ITGB1: variants seen among roughly 807,000 people sequenced by gnomAD.
ITGB1 encodes integrin subunit beta 1.
ITGB1 carries 24 observed loss-of-function variants against 86.5 expected under a neutral mutation model. The observed-to-expected ratio is 0.28, with a 90% confidence interval of 0.20 to 0.39. The LOEUF is 0.39. Ranked by LOEUF, ITGB1 falls within the 10% of genes least tolerant of loss-of-function variation. ITGB1 has a pLI of 1.00. For synonymous variants in ITGB1, 323 were observed against 316.8 expected (o/e 1.02, Z -0.21); for missense variants, 556 against 946.9 (o/e 0.59, Z 5.42).
intron 15 of ITGB1, among the ~76,000 whole-genome samples, chr10:32,903,144 G>A (rs537698994): frequency 6.6e-6 from 1 of 151,984 alleles, no homozygotes; most frequent in South Asian, 2.1e-4. Context: ...TTTTGGTGAG[G>A]AGTTTGAGAT....
At chr10:32,927,076 CAAATG>C (rs1270579142) in intron 5 of ITGB1, among the ~76,000 whole-genome samples, 1 of 152,130 alleles carries the variant, frequency 6.6e-6, no homozygotes, top group African/African-American at 2.4e-5. Context: ...ACATGCTGAA[CAAATG>C]AATAAACAAA....
chr10:32,935,545 G>A lies in ITGB1; in HGVS notation c.14C>T (p.Pro5Leu). The change falls in exon 2 of 16, where the codon CCA (proline) becomes CTA (leucine). Residue 5 changes from proline (P) to leucine (L), a missense_variant. Coordinates refer to ENST00000302278, the MANE Select transcript of ITGB1 (RefSeq NM_002211.4). MNLQ[P>L]IFWIGLISSV... The stretch of plus-strand genomic sequence containing the variant: ...ACTGATCAGTCCAATCCAGAAAATT[G>A]GTTGTAAATTCATCTGAAATGTAAA... 6.2e-7 allele frequency: 1 copy of A among 1,612,030 alleles called. No individual in the cohort carries two copies. Among genetic ancestry groups the A allele is most frequent in the South Asian group, 1.1e-5 (1 of 90,934 alleles).
intron 1 of ITGB1, among the ~76,000 whole-genome samples, chr10:32,956,138 C>A (rs1166241041): frequency 6.6e-6 from 1 of 152,172 alleles, no homozygotes; most frequent in East Asian, 1.9e-4. Context: ...TTTAACACTT[C>A]ACCATCTTCA....
At chr10:32,939,145 T>C (rs2095011734) in intron 1 of ITGB1, among the ~76,000 whole-genome samples, 1 of 152,272 alleles carries the variant, frequency 6.6e-6, no homozygotes, top group Non-Finnish European at 1.5e-5. Flanking sequence ...TCCCTGAGCA[T>C]GGGGCCTGGA....
chr10:32,942,523 T>G (rs1199597728), intron 1 of ITGB1, among the ~76,000 whole-genome samples: 1 of 152,206 alleles, frequency 6.6e-6, no homozygotes, highest in Non-Finnish European at 1.5e-5. Context: ...GTATCTTATT[T>G]ATAGCTATTG....
At chr10:32,909,979 G>T (rs762048994) in intron 14 of ITGB1, among the ~76,000 whole-genome samples, 64 of 152,146 alleles carry the variant, frequency 4.2e-4, no homozygotes, top group Middle Eastern at 3.4e-3. Context: ...ATCACTAAGC[G>T]TCTTATATAA....
intron 15 of ITGB1, among the ~76,000 whole-genome samples, chr10:32,904,701 T>A (rs908867254): frequency 3.3e-5 from 5 of 152,216 alleles, no homozygotes; most frequent in Non-Finnish European, 7.3e-5. Flanking sequence ...TTTATTTCAA[T>A]TGTTAATTTC....
intron 11 of ITGB1, 48 bp from the exon 12 acceptor site, chr10:32,912,172 A>T: frequency 1.3e-6 from 2 of 1,491,948 alleles, no homozygotes; most frequent in South Asian, 1.2e-5. Context: ...AAAATAATTT[A>T]AGAGGTTCCA....
chr10:32,906,165 CA>C (rs1382895968), intron 15 of ITGB1, among the ~76,000 whole-genome samples: 1 of 151,874 alleles, frequency 6.6e-6, no homozygotes, highest in African/African-American at 2.4e-5. Context: ...TTTTGAGAAC[CA>C]ATAATGATAT....
chr10:32,904,783 T>C (rs1042073397), intron 15 of ITGB1, among the ~76,000 whole-genome samples: 7 of 152,206 alleles, frequency 4.6e-5, no homozygotes, highest in African/African-American at 1.4e-4. Flanking sequence ...CAATAATGCA[T>C]AGAGAAATTT....
intron 14 of ITGB1, 33 bp from the exon 15 acceptor site, chr10:32,908,567 A>C (rs777030598): frequency 6.3e-7 from 1 of 1,595,358 alleles, no homozygotes; most frequent in African/African-American, 1.3e-5. Flanking sequence ...TGAGCACCAC[A>C]AAGAGCTGTG....
intron 1 of ITGB1, among the ~76,000 whole-genome samples, chr10:32,941,838 T>C (rs2095018890): frequency 6.6e-6 from 1 of 151,966 alleles, no homozygotes. Flanking sequence ...AGAAAGGAAT[T>C]TAGAATAATC....
intron 9 of ITGB1, among the ~76,000 whole-genome samples, chr10:32,921,012 C>A (rs2094947881): frequency 6.7e-6 from 1 of 149,072 alleles, no homozygotes; most frequent in African/African-American, 2.4e-5. Flanking sequence ...AAAACAGAAA[C>A]CCCCCAAAAA....
At chr10:32,928,298 C>A in intron 4 of ITGB1, 34 bp from the exon 5 acceptor site, 2 of 794,494 alleles carry the variant, frequency 2.5e-6, no homozygotes. Flanking sequence ...ATGAAACTTG[C>A]CTGTTGGCAA....
At chr10:32,952,546 TGGA>T (rs931914584) in intron 1 of ITGB1, among the ~76,000 whole-genome samples, 104 of 152,282 alleles carry the variant, frequency 6.8e-4, no homozygotes, top group African/African-American at 2.4e-3. Flanking sequence ...ATATTGTACA[TGGA>T]GAAGAATAAT....
At chr10:32,906,486 A>G in intron 15 of ITGB1, 1 of 223,228 alleles carries the variant, frequency 4.5e-6, no homozygotes. Flanking sequence ...GGTACTCGGG[A>G]GGCTGAGGCA....
intron 1 of ITGB1, among the ~76,000 whole-genome samples, chr10:32,947,669 C>A (rs898043829): frequency 6.6e-6 from 1 of 151,946 alleles, no homozygotes; most frequent in Non-Finnish European, 1.5e-5. Flanking sequence ...AAGAAACTAA[C>A]GATAAAAACA....
chr10:32,931,981 T>G (rs1189436020), intron 3 of ITGB1, among the ~76,000 whole-genome samples: 2 of 152,092 alleles, frequency 1.3e-5, no homozygotes, highest in African/African-American at 2.4e-5. Flanking sequence ...TCAATAAGCT[T>G]ATATTGGGAT....
At position 32,938,325 on chromosome 10, in the gene ITGB1, C is replaced by T. The variant is rs61443095; in HGVS notation, c.1-2767G>A. ...GAATGAAGCATGCAGGCAGTTTCCA[C>T]ACAAAGGGAATGGAACAAATATTTG... On this transcript the variant is annotated intron_variant, in intron 1 of 15. Coordinates refer to ENST00000302278, the MANE Select transcript of ITGB1 (RefSeq NM_002211.4). Among the ~76,000 whole-genome samples the T allele has an allele frequency of 2.2e-3, 328 of 152,220 alleles. 2 individuals are homozygous for T. Among genetic ancestry groups the T allele is most frequent in the African/African-American group, 7.6e-3 (314 of 41,546 alleles).
Sources: allele counts gnomAD v4.1 joint callset (sites outside exome capture counted in the v4.1 genomes callset), GRCh38; gene constraint gnomAD v4.1.1; transcripts MANE v1.5; gene names NCBI Gene and HGNC (gene_info 2026-07-23, HGNC 2026-07-21).